The following ZNF76 variants were observed in gnomAD, a reference collection of about 807,000 sequenced individuals.
The protein encoded by ZNF76 is zinc finger protein 76.
ZNF76 carries 66 observed loss-of-function variants against 66.9 expected under a neutral mutation model. That is an observed-to-expected ratio of 0.99 (90% confidence interval 0.81 to 1.21). The LOEUF (loss-of-function observed/expected upper bound fraction) is 1.21. Among genes scored for constraint, ZNF76 ranks in the 50% most tolerant of loss-of-function variants. The probability of loss-of-function intolerance (pLI) is 0.00; values close to 1 mark genes in which losing one functional copy is unlikely to be tolerated. For missense variants in ZNF76, 729 were observed against 760.3 expected, an observed-to-expected ratio of 0.96 and a Z score of 0.48; for synonymous variants, 275 against 296.1, an observed-to-expected ratio of 0.93 and a Z score of 0.73.
At chr6:35,294,725 G>C (rs1790936097) in intron 13 of ZNF76, 156 bp downstream of exon 13, 10 of 695,760 alleles carry the variant, frequency 1.4e-5, no homozygotes, top group Non-Finnish European at 2.6e-5. Flanking sequence ...CCATGCATCT[G>C]TCTCAGGCTC....
intron 1 of ZNF76, among the ~76,000 whole-genome samples, chr6:35,263,138 A>G (rs1785497872): frequency 6.6e-6 from 1 of 151,342 alleles, no homozygotes; most frequent in African/African-American, 2.4e-5. Context: ...AAACTTCATC[A>G]GTCTCTTCGG....
At chr6:35,286,750 G>T in intron 4 of ZNF76, 1 of 349,908 alleles carries the variant, frequency 2.9e-6, no homozygotes. Context: ...AAGCTCCTAA[G>T]GTGCTGAAGA....
chr6:35,265,520 AAAGAAGAAG>A (rs200688463), intron 1 of ZNF76, among the ~76,000 whole-genome samples: 14 of 149,278 alleles, frequency 9.4e-5, no homozygotes, highest in African/African-American at 2.6e-4. Context: ...AAAAAAAAAA[AAAGAAGAAG>A]AAGAAGAAGA....
rs1789745287 is a variant in ZNF76 at position 35,287,568 on chromosome 6, T to C, written c.233-78T>C. On this transcript the variant is annotated intron_variant, in intron 4 of 13. Coordinates refer to ENST00000373953, the MANE Select transcript of ZNF76 (RefSeq NM_003427.5). The surrounding 1 kb of genome is among the most constrained non-coding windows in gnomAD (Gnocchi z 4.0). ...AAACCCTCCTTGGTATATGTATCTCTCATTAACTTAAAGCTAGGGTCCCAG... is the reference window on the plus strand; with the variant it reads ...AAACCCTCCTTGGTATATGTATCTCCCATTAACTTAAAGCTAGGGTCCCAG... 2 of 1,362,122 alleles carry C rather than the reference T, an allele frequency of 1.5e-6. No individual in the cohort carries two copies. Among genetic ancestry groups the C allele is most frequent in the African/African-American group, 1.5e-5 (1 of 68,640 alleles). 84.4% of individuals were successfully genotyped at this position (1,362,122 alleles called of 1,614,324 possible).
chr6:35,278,368 A>G (rs1788243299), intron 1 of ZNF76, among the ~76,000 whole-genome samples: 3 of 152,074 alleles, frequency 2.0e-5, no homozygotes, highest in African/African-American at 7.2e-5. Flanking sequence ...GGGCTTCTCC[A>G]TGTTAGTCAG....
At chr6:35,285,178 G>A (rs1341702877) in intron 2 of ZNF76, among the ~76,000 whole-genome samples, 2 of 152,182 alleles carry the variant, frequency 1.3e-5, no homozygotes, top group African/African-American at 4.8e-5. Flanking sequence ...TAGGAAATCT[G>A]GAGGCTTGTT....
chr6:35,277,715 A>G lies in ZNF76; in HGVS notation c.-96-3341A>G, dbSNP rs367562028. ...TTAACTCTATAGTAGTGTTCACTAT[A>G]TAATAGTATTGCTGCCCTTGCACCT... On this transcript the variant is annotated intron_variant, in intron 1 of 13. Coordinates refer to ENST00000373953, the MANE Select transcript of ZNF76 (RefSeq NM_003427.5). 1.1e-4 allele frequency among the ~76,000 whole-genome samples: 17 copies of G among 152,386 alleles called. No homozygotes were observed. In the South Asian group the frequency reaches 2.1e-3, roughly 19 times the overall value.
At position 35,292,286 on chromosome 6, in the gene ZNF76, GC is replaced by G; in HGVS notation, c.932-263del. The G allele has an allele frequency of 1.9e-6, 1 of 526,486 alleles. No individual in the cohort carries two copies. 32.6% of individuals were successfully genotyped at this position (526,486 alleles called of 1,614,324 possible). A position where few individuals can be genotyped will look rare whatever the true frequency, so the allele number is the denominator to read the frequency against. On this transcript the variant is annotated intron_variant, in intron 9 of 13. Coordinates refer to ENST00000373953, the MANE Select transcript of ZNF76 (RefSeq NM_003427.5). The surrounding 1 kb of genome is among the most constrained non-coding windows in gnomAD (Gnocchi z 4.7). ...CACCCTCAACCTTATAAGCCCCAGT[GC>G]CCCCTACCAGCCCCTTCACTAGCCC...
intron 1 of ZNF76, among the ~76,000 whole-genome samples, chr6:35,272,960 C>CCAG (rs1421262536): frequency 1.3e-5 from 2 of 152,050 alleles, no homozygotes; most frequent in African/African-American, 2.4e-5. Flanking sequence ...TCGAGACCAG[C>CCAG]CAGGCCAACA....
At chr6:35,275,901 A>G (rs867061736) in intron 1 of ZNF76, among the ~76,000 whole-genome samples, 17 of 152,176 alleles carry the variant, frequency 1.1e-4, no homozygotes, top group African/African-American at 3.9e-4. Context: ...CCCGTATTCA[A>G]GTGTTTTGAG....
In ZNF76 at chr6:35,294,449, C is replaced by T. The variant is rs183041153; in HGVS notation, c.1495-7C>T. The T allele has an allele frequency of 1.3e-3, 2,083 of 1,604,092 alleles. 5 individuals are homozygous for T. The highest frequency in any genetic ancestry group is 1.7e-3 in the Non-Finnish European group (1,951 of 1,171,186). ...GGTGGAATGGAAGACCTCCTTTTGT[C>T]TTTCAGGTCACAATCATTACCTCTG... On this transcript the variant is annotated splice_polypyrimidine_tract_variant and splice_region_variant and intron_variant, in intron 12 of 13. Coordinates refer to ENST00000373953, the MANE Select transcript of ZNF76 (RefSeq NM_003427.5).
chr6:35,272,178 T>C lies in ZNF76; in HGVS notation c.-96-8878T>C, dbSNP rs138950813. 1.2e-3 allele frequency among the ~76,000 whole-genome samples: 182 copies of C among 151,916 alleles called. 1 individual carries two copies. Among genetic ancestry groups the C allele is most frequent in the Admixed American group, 4.1e-3 (63 of 15,246 alleles). ...TATATCCACCAGGCAAGGTGGCTCATACTTGTTAATCTCAGCACTTTGGGA... is the reference window on the plus strand; with the variant it reads ...TATATCCACCAGGCAAGGTGGCTCACACTTGTTAATCTCAGCACTTTGGGA... On this transcript the variant is annotated intron_variant, in intron 1 of 13. Coordinates refer to ENST00000373953, the MANE Select transcript of ZNF76 (RefSeq NM_003427.5).
chr6:35,286,091 G>A, intron 2 of ZNF76, 37 bp from the exon 3 acceptor site: 1 of 1,603,532 alleles, frequency 6.2e-7, no homozygotes, highest in Non-Finnish European at 8.5e-7. Flanking sequence ...CCCTCTTCTG[G>A]TCCTGGCCCA....
intron 2 of ZNF76, 89 bp from the exon 3 acceptor site, chr6:35,286,039 A>G: frequency 8.3e-7 from 1 of 1,204,212 alleles, no homozygotes; most frequent in Non-Finnish European, 1.2e-6. Context: ...GTGCCTAGAG[A>G]CTCAAATAAG....
chr6:35,291,802 C>A, intron 9 of ZNF76, 65 bp downstream of exon 9: 1 of 1,563,612 alleles, frequency 6.4e-7, no homozygotes. Context: ...GTAGGCTTCC[C>A]ATCTAAGACA....
At chr6:35,259,899 G>A in intron 1 of ZNF76, 58 bp downstream of exon 1, 1 of 152,290 alleles carries the variant, frequency 6.6e-6, no homozygotes, top group Non-Finnish European at 1.5e-5. Context: ...CCGGGCGGGC[G>A]CAGGACCCCG....
chr6:35,286,147 GC>G lies in ZNF76; in HGVS notation c.94del (p.Gln32ArgfsTer2), dbSNP rs1300984316. On this transcript the variant is annotated frameshift_variant, in exon 3 of 14. Transcript: ENST00000373953. LOFTEE classifies it high-confidence loss of function. ...TAACAGGAGAGAAGCTTCTTGAAGG[GC>G]AGGTGATCCAGCTCGAGGATGGGAC... The part of the protein sequence containing the change: ...AVKGEKLLEG[Q>X]VIQLEDGTTA... 1 of 1,614,016 alleles carries G rather than the reference GC, an allele frequency of 6.2e-7. No individual in the cohort carries two copies. The highest frequency in any genetic ancestry group is 8.5e-7 in the Non-Finnish European group (1 of 1,180,024).
intron 2 of ZNF76, among the ~76,000 whole-genome samples, chr6:35,282,806 AATCT>A (rs1408919606): frequency 6.6e-5 from 10 of 151,852 alleles, no homozygotes; most frequent in African/African-American, 2.4e-4. Flanking sequence ...GAGTCCCCTT[AATCT>A]CATCAGTAAG....
At position 35,266,126 on chromosome 6, in the gene ZNF76, A is replaced by G. The variant is rs943631805; in HGVS notation, c.-97+6285A>G. Among the ~76,000 whole-genome samples, 84 of 151,468 alleles carry G rather than the reference A, an allele frequency of 5.5e-4. 1 individual carries two copies. The highest frequency in any genetic ancestry group is 1.9e-3 in the African/African-American group (79 of 41,420). On this transcript the variant is annotated intron_variant, in intron 1 of 13. Coordinates refer to ENST00000373953, the MANE Select transcript of ZNF76 (RefSeq NM_003427.5). ...GATTTGCTGATGGACTGGATGTGATATATAAAAGAAATAGCAGTTGAGGGT... is the reference window on the plus strand; with the variant it reads ...GATTTGCTGATGGACTGGATGTGATGTATAAAAGAAATAGCAGTTGAGGGT...
Sources: gnomAD v4.1 joint callset for allele counts (sites outside exome capture counted in the v4.1 genomes callset) on GRCh38, gnomAD v4.1.1 for gene constraint, Gnocchi (gnomAD v3.1) non-coding constraint, MANE v1.5 for transcripts, NCBI Gene and HGNC (gene_info 2026-07-23, HGNC 2026-07-21) for gene names.